Variants in HDAC9 observed in about 807,000 individuals in gnomAD.
HDAC9 encodes the protein histone deacetylase 9, also known as MEF-2 interacting transcription repressor (MITR) protein.
In HDAC9, 41 loss-of-function variants were observed where a neutral mutation model predicts 139.4. That is an observed-to-expected ratio of 0.29 (90% CI 0.23 to 0.38). The LOEUF is 0.38. HDAC9 is among the 10% of genes least tolerant of loss of function. The pLI, the probability that HDAC9 is intolerant of heterozygous loss-of-function variation, is 1.00. For missense variants in HDAC9, 1,147 were observed against 1,297.0 expected, an observed-to-expected ratio of 0.88 and a Z score of 1.78; for synonymous variants, 517 against 476.2, an observed-to-expected ratio of 1.09 and a Z score of -1.12.
intron 1 of HDAC9, among the ~76,000 whole-genome samples, chr7:18,386,478 C>G (rs1045321973): frequency 1.3e-5 from 2 of 152,164 alleles, no homozygotes; most frequent in African/African-American, 4.8e-5. Flanking sequence ...TTGTGGCCCC[C>G]CTATGCATGT....
At chr7:18,832,100 T>C (rs1446055657) in intron 19 of HDAC9, among the ~76,000 whole-genome samples, 1 of 152,222 alleles carries the variant, frequency 6.6e-6, no homozygotes, top group Non-Finnish European at 1.5e-5. Context: ...TTCAGACTAG[T>C]GTGGACAGGG....
intron 1 of HDAC9, among the ~76,000 whole-genome samples, chr7:18,483,843 C>T (rs1342198361): frequency 1.3e-5 from 2 of 152,024 alleles, no homozygotes; most frequent in Non-Finnish European, 2.9e-5. Context: ...GTGTTATTGG[C>T]ACAGATTCAA....
intron 1 of HDAC9, among the ~76,000 whole-genome samples, chr7:18,133,766 T>G (rs1235629558): frequency 6.6e-6 from 1 of 152,130 alleles, no homozygotes; most frequent in East Asian, 1.9e-4. Context: ...TTTCTGTAAA[T>G]GCTTTCGTGT....
At chr7:18,898,995 GCTACCA>G (rs1801458087) in intron 22 of HDAC9, among the ~76,000 whole-genome samples, 1 of 152,004 alleles carries the variant, frequency 6.6e-6, no homozygotes, top group African/African-American at 2.4e-5. Flanking sequence ...TTACGCTTAT[GCTACCA>G]AAAAGTATGA....
chr7:18,737,982 C>G (rs552466916), intron 13 of HDAC9, among the ~76,000 whole-genome samples: 11 of 152,312 alleles, frequency 7.2e-5, no homozygotes, highest in Admixed American at 3.3e-4. Context: ...GTTAGCTCTT[C>G]TTGTTGAATT....
At chr7:18,402,708 G>A (rs531044304) in intron 1 of HDAC9, among the ~76,000 whole-genome samples, 1 of 152,250 alleles carries the variant, frequency 6.6e-6, no homozygotes, top group South Asian at 2.1e-4. Flanking sequence ...TGAGAGACTG[G>A]TTCATATGTG....
At chr7:18,617,808 C>G (rs1370722605) in intron 6 of HDAC9, among the ~76,000 whole-genome samples, 1 of 152,084 alleles carries the variant, frequency 6.6e-6, no homozygotes, top group Non-Finnish European at 1.5e-5. Context: ...AATATATGCA[C>G]TAAAATAGGA....
Position 18,322,955 on chromosome 7 carries a change from G to T in HDAC9, c.-42+32440G>T, listed in dbSNP as rs76256938. 6.5e-3 allele frequency among the ~76,000 whole-genome samples: 985 copies of T among 152,224 alleles called. 13 individuals are homozygous for T. The highest frequency in any genetic ancestry group is 0.023 in the African/African-American group (950 of 41,558). ...AAGAAAAGGTGCCTGGTTTAGAGAA[G>T]GGTGTCAGGATGGAGAAAGTATGAC... On this transcript the variant is annotated intron_variant, in intron 1 of 3. Transcript: ENST00000413509.
chr7:18,882,471 G>T (rs1317423861), intron 22 of HDAC9, among the ~76,000 whole-genome samples: 1 of 151,958 alleles, frequency 6.6e-6, no homozygotes, highest in Non-Finnish European at 1.5e-5. Context: ...TTTAATCTCT[G>T]CTCAGAAAAC....
chr7:18,907,791 G>A (rs1802396703), intron 22 of HDAC9, among the ~76,000 whole-genome samples: 1 of 152,166 alleles, frequency 6.6e-6, no homozygotes, highest in South Asian at 2.1e-4. Flanking sequence ...GTGACATCTT[G>A]AGAGTAATTC....
chr7:18,556,963 T>C (rs189971080), intron 2 of HDAC9, among the ~76,000 whole-genome samples: 2 of 152,088 alleles, frequency 1.3e-5, no homozygotes, highest in African/African-American at 4.8e-5. Flanking sequence ...GTATGGCAAG[T>C]TCAGAAACCT....
At chr7:18,751,135 C>T (rs1444332111) in intron 14 of HDAC9, among the ~76,000 whole-genome samples, 1 of 152,094 alleles carries the variant, frequency 6.6e-6, no homozygotes, top group Non-Finnish European at 1.5e-5. Flanking sequence ...TTTTCAATTG[C>T]TTATATACAT....
intron 11 of HDAC9, among the ~76,000 whole-genome samples, chr7:18,663,545 C>T (rs1412758634): frequency 6.6e-6 from 1 of 152,036 alleles, no homozygotes; most frequent in Non-Finnish European, 1.5e-5. Context: ...TACTCAGTTC[C>T]TATTCCATGA....
intron 17 of HDAC9, among the ~76,000 whole-genome samples, chr7:18,811,493 A>G (rs1794171106): frequency 6.6e-6 from 1 of 151,624 alleles, no homozygotes; most frequent in African/African-American, 2.4e-5. Flanking sequence ...CACGTGAGTT[A>G]TTTTAAAGTA....
chr7:18,547,895 C>T (rs912089428), intron 2 of HDAC9, among the ~76,000 whole-genome samples: 1 of 136,174 alleles, frequency 7.3e-6, no homozygotes, highest in Non-Finnish European at 1.6e-5. Flanking sequence ...CTCCCTCTCT[C>T]CCTCTCTCCC....
chr7:18,412,531 G>A (rs1042674788), intron 1 of HDAC9, among the ~76,000 whole-genome samples: 3 of 152,102 alleles, frequency 2.0e-5, no homozygotes, highest in Non-Finnish European at 2.9e-5. Flanking sequence ...TAGTGCCATA[G>A]GAATCCTATG....
At chr7:18,752,077 A>G (rs1788497665) in intron 14 of HDAC9, among the ~76,000 whole-genome samples, 1 of 152,182 alleles carries the variant, frequency 6.6e-6, no homozygotes, top group Non-Finnish European at 1.5e-5. Flanking sequence ...GCCATCTTAC[A>G]AAGATGCTAA....
intron 16 of HDAC9, among the ~76,000 whole-genome samples, chr7:18,776,668 G>C (rs1408362451): frequency 6.6e-6 from 1 of 152,006 alleles, no homozygotes; most frequent in Non-Finnish European, 1.5e-5. Flanking sequence ...TTGGGGCAGA[G>C]AACTAGTGGT....
At chr7:18,365,539 C>A (rs1784112959) in intron 1 of HDAC9, among the ~76,000 whole-genome samples, 1 of 151,968 alleles carries the variant, frequency 6.6e-6, no homozygotes, top group Non-Finnish European at 1.5e-5. Flanking sequence ...TGTCTTCTTT[C>A]TCCAATAATC....
Sources: gnomAD v4.1 joint callset for allele counts (sites outside exome capture counted in the v4.1 genomes callset) on GRCh38, gnomAD v4.1.1 for gene constraint, MANE v1.5 for transcripts, NCBI Gene and HGNC (gene_info 2026-07-23, HGNC 2026-07-21) for gene names.